The following MXD3 variants were observed in gnomAD, a reference collection of about 807,000 sequenced individuals.
The protein encoded by MXD3 is MAX dimerization protein 3, also known as Max-associated protein 3.
Under a neutral mutation model 27.5 loss-of-function variants are expected in MXD3, and 20 were observed. That is an observed-to-expected ratio of 0.73 (90% confidence interval 0.51 to 1.06). The LOEUF is 1.06. Ranked by LOEUF, MXD3 falls within the 50% of genes least tolerant of loss-of-function variation. MXD3 has a pLI of 0.00. For missense variants in MXD3, 298 were observed against 291.3 expected, an observed-to-expected ratio of 1.02 and a Z score of -0.17; for synonymous variants, 150 against 130.7, an observed-to-expected ratio of 1.15 and a Z score of -1.01.
Position 177,307,268 on chromosome 5 carries a change from G to A in MXD3, c.*320C>T, listed in dbSNP as rs1215707959. 1.3e-6 allele frequency: 2 copies of A among 1,551,472 alleles called. No homozygotes were observed. The highest frequency in any genetic ancestry group is 1.7e-6 in the Non-Finnish European group (2 of 1,146,936). On this transcript the variant is annotated 3_prime_UTR_variant, in exon 6 of 6. Transcript: ENST00000439742. Reference sequence around the variant, plus strand: ...AGTTTATGTGAGGCAAAGGCAGGGGGCCTTGTCCAGGAAGGGAAGAGGCCC... The same window carrying A: ...AGTTTATGTGAGGCAAAGGCAGGGGACCTTGTCCAGGAAGGGAAGAGGCCC...
At position 177,307,970 on chromosome 5, in the gene MXD3, G is replaced by T. The variant is rs753248915; in HGVS notation, c.322-6C>A. ...TGCTCCTGATCCTCCAGCTTCTGCGGATCCCAAAGGAGCAAGGGGCTGGGG... is the reference window on the plus strand; with the variant it reads ...TGCTCCTGATCCTCCAGCTTCTGCGTATCCCAAAGGAGCAAGGGGCTGGGG... On this transcript the variant is annotated splice_region_variant and splice_polypyrimidine_tract_variant and intron_variant, in intron 4 of 5. Transcript: ENST00000439742. The T allele has an allele frequency of 5.9e-6, 9 of 1,535,798 alleles. No homozygotes were observed. The South Asian group carries it at 1.0e-4, about 17-fold the overall frequency.
At chr5:177,305,729 G>T, downstream of MXD3, 1 of 693,126 alleles carries the variant, frequency 1.4e-6, no homozygotes, top group Non-Finnish European at 2.5e-6. Context: ...TGTTCTGTCA[G>T]TGCCACTTGG....
downstream of MXD3, chr5:177,306,378 C>G (rs200974122): frequency 6.2e-7 from 1 of 1,612,918 alleles, no homozygotes; most frequent in Non-Finnish European, 8.5e-7. Context: ...TTAGGTTGGT[C>G]TTTCAGGCAT....
At position 177,307,342 on chromosome 5, in the gene MXD3, C is replaced by T. The variant is rs575599284; in HGVS notation, c.*246G>A. 2.5e-4 allele frequency: 391 copies of T among 1,535,344 alleles called. 3 individuals are homozygous for T. The South Asian group carries it at 3.6e-3, about 14-fold the overall frequency. ...GGCAGCAGAGCCAAATGCTTGGGCT[C>T]GGGCCCAAGCTGCCTGCCCTGCAGG... On this transcript the variant is annotated 3_prime_UTR_variant, in exon 6 of 6. Transcript: ENST00000439742.
In MXD3 at chr5:177,310,990, C is replaced by T; in HGVS notation, c.177-293G>A. On this transcript the variant is annotated intron_variant, in intron 2 of 5. Coordinates refer to ENST00000439742, the MANE Select transcript of MXD3 (RefSeq NM_031300.4). ...CAGAGGTGACAGCTAACTGCGGAAA[C>T]AGATGTTTCCCAAGCCGGTACTGGA... 5.2e-6 allele frequency: 3 copies of T among 581,536 alleles called. No individual in the cohort carries two copies. In the South Asian group the frequency reaches 6.3e-5, roughly 12 times the overall value. The allele number at this position is 581,536 out of a possible 1,614,324, so 36.0% of individuals were successfully genotyped here. A position where few individuals can be genotyped will look rare whatever the true frequency, so the allele number is the denominator to read the frequency against.
intron 4 of MXD3, among the ~76,000 whole-genome samples, chr5:177,310,002 G>C (rs1287605242): frequency 6.6e-6 from 1 of 152,154 alleles, no homozygotes; most frequent in African/African-American, 2.4e-5. Context: ...CCCATAACAG[G>C]AGGCCTTGAA....
chr5:177,311,957 C>A (rs1581592767), upstream of MXD3: 1 of 1,328,720 alleles, frequency 7.5e-7, no homozygotes, highest in Non-Finnish European at 9.7e-7. Context: ...CGGGACGCCC[C>A]GCCCGCGGGA....
downstream of MXD3, chr5:177,306,714 A>G: frequency 2.5e-6 from 3 of 1,218,130 alleles, no homozygotes; most frequent in Non-Finnish European, 3.4e-6. Flanking sequence ...TGGCATCTGC[A>G]GTACACCAAG....
At chr5:177,306,329 G>T (rs747062777), downstream of MXD3, 2 of 1,592,976 alleles carry the variant, frequency 1.3e-6, no homozygotes, top group Non-Finnish European at 1.7e-6. Flanking sequence ...TTTTAGTGGA[G>T]CCTGGCCCAG....
upstream of MXD3, chr5:177,312,170 G>T: frequency 9.7e-7 from 1 of 1,033,284 alleles, no homozygotes; most frequent in Non-Finnish European, 1.2e-6. Flanking sequence ...CGGCTCATTG[G>T]CGTCTTTGAT....
chr5:177,307,578 G>C lies in MXD3; in HGVS notation c.*10C>G, dbSNP rs184284188. 90 of 1,611,886 alleles carry C rather than the reference G, an allele frequency of 5.6e-5. 1 individual carries two copies. In the Admixed American group the frequency reaches 1.4e-3, roughly 25 times the overall value. ...AGTAGAGGGCAGAGGCCCGCCCTGG[G>C]TGAGGAACATCATAGCCAGGCGCCG... On this transcript the variant is annotated 3_prime_UTR_variant, in exon 6 of 6. Coordinates refer to ENST00000439742, the MANE Select transcript of MXD3 (RefSeq NM_031300.4).
chr5:177,311,428 T>C lies in MXD3; in HGVS notation c.127A>G (p.Arg43Gly). The C allele has an allele frequency of 7.1e-7, 1 of 1,411,570 alleles. No homozygotes were observed. The allele number at this position is 1,411,570 out of a possible 1,614,324, so 87.4% of individuals were successfully genotyped here. A position where few individuals can be genotyped will look rare whatever the true frequency, so the allele number is the denominator to read the frequency against. ...GCCTGGGGGGGTCGCTTCTTCCTCC[T>C]GTGGATGGGGCCTGGACTGCGATGC... ...CPHRSPGPIHRRKKRPPQAPG... is the reference protein window; with the variant it reads ...CPHRSPGPIHGRKKRPPQAPG... Residue 43 changes from arginine to glycine, a missense_variant, in exon 2 of 6, where the codon AGG (arginine) becomes GGG (glycine). Coordinates refer to ENST00000439742, the MANE Select transcript of MXD3 (RefSeq NM_031300.4).
At chr5:177,307,185 A>G, downstream of MXD3, 1 of 1,550,426 alleles carries the variant, frequency 6.4e-7, no homozygotes, top group East Asian at 2.4e-5. Context: ...CCCCGTTTTC[A>G]TTAGGCAAGA....
intron 4 of MXD3, among the ~76,000 whole-genome samples, chr5:177,309,255 G>C (rs1227879465): frequency 6.6e-6 from 1 of 152,194 alleles, no homozygotes; most frequent in African/African-American, 2.4e-5. Context: ...GATGGGCCTG[G>C]GTAGATAGGT....
chr5:177,307,686 C>T lies in MXD3; in HGVS notation c.523G>A (p.Val175Met), dbSNP rs1760920719. The T allele has an allele frequency of 6.2e-7, 1 of 1,613,684 alleles. No individual in the cohort carries two copies. The highest frequency in any genetic ancestry group is 1.7e-5 in the Admixed American group (1 of 60,012). Residue 175 changes from valine (V) to methionine (M), a missense_variant, in exon 6 of 6, where the codon GTG becomes ATG. Transcript: ENST00000439742. ...TCACCCCCAAACACCAGGCTCTCCA[C>T]ATCCACCTCCAGCTCCTCTGCGCGG... ...DSDQEELEVD[V>M]ESLVFGGEAE... is the part of the protein sequence containing the mutation.
upstream of MXD3, chr5:177,312,550 T>C: frequency 5.1e-6 from 5 of 985,432 alleles, no homozygotes; most frequent in Non-Finnish European, 6.0e-6. Flanking sequence ...CGGACCCGGC[T>C]CCTGCCCTCC....
chr5:177,306,359 G>T (rs767360949), downstream of MXD3: 27 of 1,609,700 alleles, frequency 1.7e-5, no homozygotes. Flanking sequence ...GTGTCATGGG[G>T]GAGGGAAATT....
intron 2 of MXD3, 134 bp downstream of exon 2, chr5:177,311,245 G>A: frequency 1.8e-6 from 1 of 548,342 alleles, no homozygotes; most frequent in Non-Finnish European, 3.2e-6. Context: ...TGGGGAGATG[G>A]CAGGAGGGGT....
chr5:177,312,267 C>G, upstream of MXD3: 15 of 986,356 alleles, frequency 1.5e-5, no homozygotes, highest in Non-Finnish European at 1.8e-5. Flanking sequence ...GCGCCGGGCC[C>G]AGCCGCTGCA....
Sources: gnomAD v4.1 joint callset for allele counts (sites outside exome capture counted in the v4.1 genomes callset) on GRCh38, gnomAD v4.1.1 for gene constraint, MANE v1.5 for transcripts, NCBI Gene and HGNC (gene_info 2026-07-23, HGNC 2026-07-21) for gene names.